STAB1: variants seen among roughly 807,000 people sequenced by gnomAD.
The protein encoded by STAB1 is stabilin-1.
In STAB1, 250 loss-of-function variants were observed where a neutral mutation model predicts 332.4. The ratio of observed to expected loss-of-function variants is 0.75; its 90% confidence interval spans 0.68 to 0.84. The LOEUF (loss-of-function observed/expected upper bound fraction) is 0.84, where lower values mean the gene tolerates loss of function less well. Among genes scored for constraint, STAB1 ranks in the 40% least tolerant of loss-of-function variants. STAB1 has a pLI of 0.00. For missense variants in STAB1, 3,249 were observed against 3,489.7 expected, an observed-to-expected ratio of 0.93 and a Z score of 1.74; for synonymous variants, 1,475 against 1,390.4, an observed-to-expected ratio of 1.06 and a Z score of -1.35.
At chr3:52,517,729 G>A in intron 44 of STAB1, 105 bp downstream of exon 44, 1 of 1,546,584 alleles carries the variant, frequency 6.5e-7, no homozygotes, top group Non-Finnish European at 8.8e-7. Context: ...CCTCTGCAGG[G>A]TGGGCTATCC....
intron 5 of STAB1, 95 bp downstream of exon 5, chr3:52,502,323 C>A: frequency 7.3e-7 from 1 of 1,363,078 alleles, no homozygotes; most frequent in Non-Finnish European, 1.0e-6. Flanking sequence ...GTCCCTTCAG[C>A]CTCTGTCCCA....
intron 5 of STAB1, 22 bp downstream of exon 5, chr3:52,502,250 G>A (rs1708505570): frequency 6.2e-7 from 1 of 1,606,524 alleles, no homozygotes; most frequent in Non-Finnish European, 8.5e-7. Flanking sequence ...AAAGGCAAGA[G>A]GGCACGGCCA....
At chr3:52,508,501 C>A in intron 21 of STAB1, 142 bp downstream of exon 21, 1 of 763,848 alleles carries the variant, frequency 1.3e-6, no homozygotes, top group Non-Finnish European at 2.3e-6. Flanking sequence ...AAAGTTGGAT[C>A]AAATTATTTC....
chr3:52,508,837 A>G (rs1345758923), intron 21 of STAB1, among the ~76,000 whole-genome samples: 4 of 151,722 alleles, frequency 2.6e-5, no homozygotes, highest in Non-Finnish European at 5.9e-5. Context: ...AACAATAATA[A>G]TAATAATAAT....
At position 52,505,772 on chromosome 3, in the gene STAB1, CTTCACAGCG is replaced by C; in HGVS notation, c.1687_1695del (p.Phe563_Ala565del). ...TGCGTGACGGCCGCCTGATCTACCT[CTTCACAGCG>C]GTAAGCTCAGCGGGAGAAGGGGCTG... On this transcript the variant is annotated inframe_deletion and splice_region_variant, in exon 15 of 69. Transcript: ENST00000321725. 6.2e-7 allele frequency: 1 copy of C among 1,613,902 alleles called. No individual in the cohort carries two copies. The highest frequency in any genetic ancestry group is 8.5e-7 in the Non-Finnish European group (1 of 1,180,040).
rs1179220982 is a variant in STAB1 at position 52,499,722 on chromosome 3, A to AC, written c.79-1440dup. On this transcript the variant is annotated intron_variant, in intron 1 of 68. Coordinates refer to ENST00000321725, the MANE Select transcript of STAB1 (RefSeq NM_015136.3). ...AGACCAACCCCGCTAAAACGGTGAA[A>AC]CCCCGTCTCTACTAAAAATACAAAA... Among the ~76,000 whole-genome samples, 7 of 150,122 alleles carry AC rather than the reference A, an allele frequency of 4.7e-5. 1 individual carries two copies. The highest frequency in any genetic ancestry group is 1.2e-4 in the African/African-American group (5 of 40,832).
rs1353107925 is a variant in STAB1 at position 52,501,751 on chromosome 3, A to G, written c.329A>G (p.His110Arg). 4 of 1,557,986 alleles carry G rather than the reference A, an allele frequency of 2.6e-6. No homozygotes were observed. The highest frequency in any genetic ancestry group is 1.7e-4 in the Middle Eastern group (1 of 5,950). Reference protein sequence around the residue: ...CCPGYWGSRCHECPGGAETPC... With the variant: ...CCPGYWGSRCRECPGGAETPC... ...CCTGGCTACTGGGGTTCCCGGTGCCATGGTATGGGAGAAAGGGGGACCCCG... is the reference window on the plus strand; with the variant it reads ...CCTGGCTACTGGGGTTCCCGGTGCCGTGGTATGGGAGAAAGGGGGACCCCG... Residue 110 changes from histidine to arginine, a missense_variant and splice_region_variant, in exon 3 of 69, where the codon CAT becomes CGT. Coordinates refer to ENST00000321725, the MANE Select transcript of STAB1 (RefSeq NM_015136.3).
rs1469996566 is a variant in STAB1, at chr3:52,514,741, A to G, written c.3719A>G (p.Glu1240Gly). 1 of 1,612,848 alleles carries G rather than the reference A, an allele frequency of 6.2e-7. No individual in the cohort carries two copies. Among genetic ancestry groups the G allele is most frequent in the African/African-American group, 1.3e-5 (1 of 74,882 alleles). The part of the protein sequence containing the change: ...NHVPLEGPML[E>G]APGRSLIGLS... Reference sequence around the variant, plus strand: ...GTGCCACTGGAAGGCCCCATGCTGGAGGCCCCTGGCCGCTCGCTGATTGGT... The same window carrying G: ...GTGCCACTGGAAGGCCCCATGCTGGGGGCCCCTGGCCGCTCGCTGATTGGT... The change falls in exon 35 of 69, where the codon GAG becomes GGG. Residue 1240 changes from glutamate (E) to glycine (G), a missense_variant. Glu to Gly is a moderately conservative substitution (Grantham distance 98). Transcript: ENST00000321725.
In STAB1 at chr3:52,512,822, G is replaced by A. The variant is rs1158967860; in HGVS notation, c.3028-6G>A. On this transcript the variant is annotated splice_region_variant and splice_polypyrimidine_tract_variant and intron_variant, in intron 28 of 68. Transcript: ENST00000321725. ...CCTCCCGCCCCTGCTCCCTGTGTGC[G>A]TGCAGAGTGCCGGCATCACGCTTCC... 9 of 1,608,268 alleles carry A rather than the reference G, an allele frequency of 5.6e-6. No homozygotes were observed. The highest frequency in any genetic ancestry group is 1.7e-5 in the Admixed American group (1 of 59,974).
intron 1 of STAB1, among the ~76,000 whole-genome samples, chr3:52,497,939 C>A (rs549939957): frequency 2.6e-5 from 4 of 152,288 alleles, no homozygotes; most frequent in Admixed American, 2.6e-4. Flanking sequence ...GCCCTTAGCA[C>A]TTGCCCATTC....
In STAB1 at chr3:52,522,893, G is replaced by A. The variant is rs201409894; in HGVS notation, c.6863G>A (p.Arg2288His). 119 of 1,613,364 alleles carry A rather than the reference G, an allele frequency of 7.4e-5. No individual in the cohort carries two copies. The highest frequency in any genetic ancestry group is 1.6e-4 in the Middle Eastern group (1 of 6,062). The change falls in exon 62 of 69, where the codon CGC becomes CAC. Residue 2288 changes from arginine to histidine, a missense_variant. Transcript: ENST00000321725. ...GTGGGCATAGTCAGCCTGGGTGCCC[G>A]CAAGAACCTCTCAGAACGCTGGGAT... ...GRVGIVSLGA[R>H]KNLSERWDAY...
Position 52,519,957 on chromosome 3 carries a change from T to A in STAB1, c.5249T>A (p.Leu1750Gln). The part of the protein sequence containing the change: ...FSGLLKVAGL[L>Q]PLLREASHRP... ...GCACCCCACCAGGTGGCCGGCCTCC[T>A]GCCCCTGCTTCGAGAGGCATCCCAT... The change falls in exon 51 of 69, where the codon CTG (leucine) becomes CAG (glutamine). Residue 1750 changes from leucine (L) to glutamine (Q), a missense_variant. Coordinates refer to ENST00000321725, the MANE Select transcript of STAB1 (RefSeq NM_015136.3). 6.3e-7 allele frequency: 1 copy of A among 1,583,964 alleles called. No homozygotes were observed. Among genetic ancestry groups the A allele is most frequent in the South Asian group, 1.1e-5 (1 of 89,022 alleles).
Position 52,514,400 on chromosome 3 carries a change from G to C in STAB1, c.3582G>C (p.Gly1194=). The C allele has an allele frequency of 1.3e-6, 2 of 1,552,528 alleles. No individual in the cohort carries two copies. The highest frequency in any genetic ancestry group is 1.7e-6 in the Non-Finnish European group (2 of 1,149,034). Residue 1194 remains glycine, a synonymous_variant, in exon 34 of 69, where the codon GGG becomes GGC. Coordinates refer to ENST00000321725, the MANE Select transcript of STAB1 (RefSeq NM_015136.3). Reference sequence around the variant, plus strand: ...CAGTGCGGCACCATGTGGTCCTGGGGGAGGCCCTCTCCATGGAAACCCTGC... The same window carrying C: ...CAGTGCGGCACCATGTGGTCCTGGGCGAGGCCCTCTCCATGGAAACCCTGC... The part of the protein sequence containing the change: ...ADTVRHHVVL[G]EALSMETLRK...
intron 1 of STAB1, among the ~76,000 whole-genome samples, chr3:52,495,776 C>T (rs771135370): frequency 5.9e-5 from 9 of 152,240 alleles, no homozygotes; most frequent in African/African-American, 1.2e-4. Flanking sequence ...GCAGGCCTGT[C>T]CTGCCCTTCT....
chr3:52,520,706 G>T lies in STAB1; in HGVS notation c.5706+8G>T, dbSNP rs529947300. On this transcript the variant is annotated splice_region_variant and intron_variant, in intron 54 of 68. Coordinates refer to ENST00000321725, the MANE Select transcript of STAB1 (RefSeq NM_015136.3). The stretch of plus-strand genomic sequence containing the variant: ...GAGGGGTCACAGGAGCAGGTACAGG[G>T]CTAGGGGCTGAGTGGGGGTGGTGGG... 1.2e-6 allele frequency: 2 copies of T among 1,610,924 alleles called. No individual in the cohort carries two copies. Among genetic ancestry groups the T allele is most frequent in the Non-Finnish European group, 1.7e-6 (2 of 1,179,376 alleles).
intron 45 of STAB1, 53 bp from the exon 46 acceptor site, chr3:52,518,259 C>A: frequency 1.2e-6 from 2 of 1,605,784 alleles, no homozygotes; most frequent in Non-Finnish European, 1.7e-6. Flanking sequence ...GGGACAGGCA[C>A]CAGGCCCTGA....
chr3:52,510,980 G>A (rs1709260748), intron 25 of STAB1, among the ~76,000 whole-genome samples: 1 of 152,208 alleles, frequency 6.6e-6, no homozygotes, highest in South Asian at 2.1e-4. Flanking sequence ...GCTGGTCAGG[G>A]TCAGCCTCTG....
intron 21 of STAB1, among the ~76,000 whole-genome samples, chr3:52,508,829 CAAT>C (rs10532068): frequency 0.9 from 135,328 of 150,150 alleles, 61,091 homozygotes; most frequent in East Asian, 0.97. Flanking sequence ...CCCAAAATAA[CAAT>C]AATAATAATA....
rs2079133948 is a variant in STAB1, at chr3:52,523,142, G to GGGGC, written c.7020+9_7020+12dup. On this transcript the variant is annotated intron_variant, in intron 63 of 68. Transcript: ENST00000321725. ...TTCTCCACCTTCTATGGGGTGTGTGGGGGCCACCCTTGGGGGCGGGGGGTG... is the reference window on the plus strand; with the variant it reads ...TTCTCCACCTTCTATGGGGTGTGTGGGGGCGGGCCACCCTTGGGGGCGGGGGGTG... 6.2e-7 allele frequency: 1 copy of GGGGC among 1,604,332 alleles called. No individual in the cohort carries two copies. Among genetic ancestry groups the GGGGC allele is most frequent in the African/African-American group, 1.3e-5 (1 of 74,870 alleles).
Sources: gnomAD v4.1 joint callset for allele counts (sites outside exome capture counted in the v4.1 genomes callset) on GRCh38, gnomAD v4.1.1 for gene constraint, MANE v1.5 for transcripts, NCBI Gene and HGNC (gene_info 2026-07-23, HGNC 2026-07-21) for gene names.